The following HLA-DRB1 variants were observed in gnomAD, a reference collection of about 807,000 sequenced individuals.
HLA-DRB1 encodes major histocompatibility complex, class II, DR beta 1, also known as major histocompatibility complex, class II, DR beta 1 precursor.
HLA-DRB1 carries 10 observed loss-of-function variants against 27.9 expected under a neutral mutation model. That is an observed-to-expected ratio of 0.36 (90% CI 0.22 to 0.61). The LOEUF is 0.61. Among genes scored for constraint, HLA-DRB1 ranks in the 20% least tolerant of loss-of-function variants. The pLI, the probability that HLA-DRB1 is intolerant of heterozygous loss-of-function variation, is 0.73. For synonymous variants in HLA-DRB1, 57 were observed against 126.7 expected (o/e 0.45, Z 3.69); for missense variants, 118 against 306.3 (o/e 0.39, Z 4.59).
chr6:32,585,684 C>T (rs879317802), intron 1 of HLA-DRB1, among the ~76,000 whole-genome samples: 5 of 113,610 alleles, frequency 4.4e-5, no homozygotes, highest in East Asian at 2.8e-4. Flanking sequence ...AGGGCAGAAA[C>T]ACTGGTTTAT....
At chr6:32,585,627 T>C in intron 1 of HLA-DRB1, among the ~76,000 whole-genome samples, 1 of 141,002 alleles carries the variant, frequency 7.1e-6, no homozygotes, top group African/African-American at 2.7e-5. Context: ...TGCAATTGTC[T>C]TCTGTTCTTC....
intron 2 of HLA-DRB1, among the ~76,000 whole-genome samples, chr6:32,583,785 C>G (rs182228435): frequency 4.2e-3 from 230 of 54,350 alleles, no homozygotes; most frequent in Middle Eastern, 0.014. Flanking sequence ...TCCTCTCTCT[C>G]CAGCCCCCAG....
At chr6:32,582,349 C>G (rs35789108) in intron 2 of HLA-DRB1, among the ~76,000 whole-genome samples, 25,145 of 122,398 alleles carry the variant, frequency 0.21, 93 homozygotes, top group East Asian at 0.31. Flanking sequence ...CAGAAAGCTT[C>G]TCACTCCATT....
At chr6:32,581,254 T>A (rs33968536) in intron 3 of HLA-DRB1, among the ~76,000 whole-genome samples, 378 of 60,270 alleles carry the variant, frequency 6.3e-3, no homozygotes, top group East Asian at 0.012. Flanking sequence ...CACCAGAAAC[T>A]CAGTCTCAGA....
intron 2 of HLA-DRB1, among the ~76,000 whole-genome samples, chr6:32,583,321 C>G (rs9269896): frequency 0.18 from 7,144 of 40,516 alleles, 2,609 homozygotes; most frequent in Non-Finnish European, 0.21. Flanking sequence ...GGTCAACAAA[C>G]GGGAAAGTGA....
At chr6:32,584,514 T>A (rs9269971) in intron 1 of HLA-DRB1, 136 bp from the exon 2 acceptor site, 229,900 of 506,368 alleles carry the variant, frequency 0.45, 46,810 homozygotes, top group South Asian at 0.53. Flanking sequence ...GCCCACCACC[T>A]GCAGCCCAGG....
chr6:32,586,064 AC>A (rs1776337153), intron 1 of HLA-DRB1, among the ~76,000 whole-genome samples: 1 of 82,800 alleles, frequency 1.2e-5, no homozygotes, highest in Non-Finnish European at 2.5e-5. Flanking sequence ...TGTGTGAAAT[AC>A]TGGCTGTGTT....
chr6:32,586,863 CTTGATTGT>C (rs138898844), intron 1 of HLA-DRB1, among the ~76,000 whole-genome samples: 13,641 of 103,052 alleles, frequency 0.13, 1,636 homozygotes, highest in Admixed American at 0.15. Context: ...TAGGAATAAG[CTTGATTGT>C]TCTACCCCCT....
At chr6:32,583,877 C>A (rs1175076974) in intron 2 of HLA-DRB1, among the ~76,000 whole-genome samples, 1 of 49,296 alleles carries the variant, frequency 2.0e-5, no homozygotes, top group Non-Finnish European at 4.4e-5. Flanking sequence ...CCACAACAGA[C>A]ACACAGACAC....
chr6:32,585,459 C>CTCGCTCT (rs1776261599), intron 1 of HLA-DRB1, among the ~76,000 whole-genome samples: 16 of 115,730 alleles, frequency 1.4e-4, no homozygotes, highest in East Asian at 7.3e-4. Flanking sequence ...ACAGGATTAC[C>CTCGCTCT]GTTAAGTGTA....
chr6:32,578,954 T>G lies in HLA-DRB1; in HGVS notation c.*137A>C. 2 of 488,678 alleles carry G rather than the reference T, an allele frequency of 4.1e-6. 1 individual carries two copies. The highest frequency in any genetic ancestry group is 3.9e-5 in the South Asian group (2 of 51,838). 30.3% of individuals were successfully genotyped at this position (488,678 alleles called of 1,614,324 possible). A position where few individuals can be genotyped will look rare whatever the true frequency, so the allele number is the denominator to read the frequency against. On this transcript the variant is annotated 3_prime_UTR_variant, in exon 6 of 6. Coordinates refer to ENST00000360004, the Ensembl canonical transcript of HLA-DRB1. ...TGAGGAAGCCACAAGGGAGGACATT[T>G]TCTGCAGTTGCCGAACCAGTAGCAA... is the stretch of plus-strand genomic sequence containing the variant.
chr6:32,582,373 A>G (rs9269840), intron 2 of HLA-DRB1, among the ~76,000 whole-genome samples: 58,741 of 99,048 alleles, frequency 0.59, 13,172 homozygotes, highest in Middle Eastern at 0.62. Flanking sequence ...CTGTGAGGGC[A>G]CTCATCACAC....
At chr6:32,587,731 TTTCA>T (rs1561835179) in intron 1 of HLA-DRB1, among the ~76,000 whole-genome samples, 1 of 71,696 alleles carries the variant, frequency 1.4e-5, no homozygotes, top group South Asian at 4.5e-4. Context: ...TGTCTCTCTT[TTTCA>T]CAAACCTGAT....
At chr6:32,585,226 T>C (rs9270016) in intron 1 of HLA-DRB1, among the ~76,000 whole-genome samples, 47,185 of 75,086 alleles carry the variant, frequency 0.63, 19,673 homozygotes, top group Middle Eastern at 0.72. Context: ...GCCCTTGCAT[T>C]TCTGTCCCCA....
chr6:32,587,125 G>A (rs146068413), intron 1 of HLA-DRB1, among the ~76,000 whole-genome samples: 12,882 of 52,312 alleles, frequency 0.25, 4,656 homozygotes, highest in Non-Finnish European at 0.28. Context: ...GCTCACGCCT[G>A]TAATCCCAGC....
intron 2 of HLA-DRB1, 96 bp downstream of exon 2, chr6:32,584,013 T>TCACACACACACA: frequency 3.4e-6 from 1 of 292,268 alleles, no homozygotes; most frequent in South Asian, 4.1e-5. Flanking sequence ...TCTCTGTCTC[T>TCACACACACACA]CTCTCACACA....
Position 32,580,815 on chromosome 6 carries a change from C to T in HLA-DRB1, c.694G>A (p.Val232Ile), listed in dbSNP as rs769831677. 2.5e-6 allele frequency: 4 copies of T among 1,613,288 alleles called. No homozygotes were observed. In the Admixed American group the frequency reaches 6.7e-5, roughly 27 times the overall value. ...AGCAGGCCCAGCACAAAGCCCCCGA[C>T]TCCACTCAGCATCTTGCTCTGTGCA... Residue 232 changes from valine (V) to isoleucine (I), a missense_variant, in exon 4 of 6, where the codon GTC becomes ATC. By Grantham distance (29) the Val-to-Ile change is conservative (BLOSUM62 3). Transcript: ENST00000360004.
chr6:32,584,350 C>T (rs17885011), exon 2 of HLA-DRB1: 83,002 of 859,930 alleles, frequency 0.097, 13,094 homozygotes, highest in Non-Finnish European at 0.1. Context: ...AGAAATGACA[C>T]TCCCTCTTAG....
chr6:32,582,291 G>A (rs564706390), intron 2 of HLA-DRB1, among the ~76,000 whole-genome samples: 6 of 113,832 alleles, frequency 5.3e-5, no homozygotes, highest in African/African-American at 1.9e-4. Flanking sequence ...ATTAATGCAC[G>A]TAAAATATAT....
Sources: allele counts gnomAD v4.1 joint callset (sites outside exome capture counted in the v4.1 genomes callset), GRCh38; gene constraint gnomAD v4.1.1; transcripts MANE v1.5; gene names NCBI Gene and HGNC (gene_info 2026-07-23, HGNC 2026-07-21).